The following LRRC37A2 variants were observed in gnomAD, a reference collection of about 807,000 sequenced individuals.
LRRC37A2 encodes leucine-rich repeat-containing protein 37A2.
LRRC37A2 carries 9 observed loss-of-function variants against 68.8 expected under a neutral mutation model. The ratio of observed to expected loss-of-function variants is 0.13; its 90% CI spans 0.08 to 0.23. The LOEUF is 0.23. LRRC37A2 is among the 10% of genes least tolerant of loss of function. The probability of loss-of-function intolerance (pLI) is 1.00; values close to 1 mark genes in which losing one functional copy is unlikely to be tolerated. For missense variants in LRRC37A2, 168 were observed against 950.4 expected, an observed-to-expected ratio of 0.18 and a Z score of 10.82; for synonymous variants, 63 against 367.6, an observed-to-expected ratio of 0.17 and a Z score of 9.48.
the LRRC37A2 span, among the ~76,000 whole-genome samples, chr17:46,568,858 C>G: frequency 8.3e-6 from 1 of 119,900 alleles, no homozygotes; most frequent in African/African-American, 3.4e-5. Flanking sequence ...AGAGGCAAAA[C>G]AACAAAATGC....
the LRRC37A2 span, among the ~76,000 whole-genome samples, chr17:46,902,040 T>C: frequency 1.3e-5 from 2 of 152,256 alleles, no homozygotes; most frequent in East Asian, 3.9e-4. Context: ...ACTCCTGACC[T>C]CAGGTGATCC....
the LRRC37A2 span, among the ~76,000 whole-genome samples, chr17:46,909,560 C>G: frequency 2.4e-4 from 36 of 152,308 alleles, no homozygotes; most frequent in Non-Finnish European, 4.7e-4. Flanking sequence ...CATCACATCT[C>G]GATTTGCTCT....
At chr17:46,751,536 A>G in the LRRC37A2 span, 11 of 1,614,010 alleles carry the variant, frequency 6.8e-6, no homozygotes, top group Non-Finnish European at 9.3e-6. Context: ...GGAACGCACC[A>G]CAATTGCACA....
chr17:46,852,010 C>T, the LRRC37A2 span, among the ~76,000 whole-genome samples: 1 of 152,220 alleles, frequency 6.6e-6, no homozygotes, highest in Non-Finnish European at 1.5e-5. Context: ...CGCCTCGGAC[C>T]CTGGCCCCGT....
At chr17:46,900,168 C>CATATACATATATATAT in the LRRC37A2 span, among the ~76,000 whole-genome samples, 1 of 64,060 alleles carries the variant, frequency 1.6e-5, no homozygotes, top group African/African-American at 7.1e-5. Flanking sequence ...TATACATATA[C>CATATACATATATATAT]ATATATATAT....
the LRRC37A2 span, among the ~76,000 whole-genome samples, chr17:46,795,880 T>TCA: frequency 3.9e-5 from 6 of 151,950 alleles, no homozygotes; most frequent in East Asian, 3.9e-4. Flanking sequence ...CCTCTCTCTC[T>TCA]CACACACACA....
the LRRC37A2 span, chr17:46,940,063 T>G: frequency 9.3e-7 from 1 of 1,079,526 alleles, no homozygotes; most frequent in Non-Finnish European, 1.1e-6. Context: ...GTTAGTTTCT[T>G]GTTGCTTGAA....
At chr17:46,735,065 C>T in the LRRC37A2 span, among the ~76,000 whole-genome samples, 1 of 152,014 alleles carries the variant, frequency 6.6e-6, no homozygotes, top group Non-Finnish European at 1.5e-5. Flanking sequence ...ACAAAACCAA[C>T]AAAAAACAGT....
chr17:46,741,884 G>T, the LRRC37A2 span, among the ~76,000 whole-genome samples: 1 of 152,212 alleles, frequency 6.6e-6, no homozygotes, highest in Non-Finnish European at 1.5e-5. Context: ...TCCTGCCTCA[G>T]CCTCCTTAGT....
chr17:46,842,500 G>A, the LRRC37A2 span, among the ~76,000 whole-genome samples: 1 of 152,024 alleles, frequency 6.6e-6, no homozygotes, highest in Non-Finnish European at 1.5e-5. Context: ...TCAGCCTCCC[G>A]AGTAGCTCGA....
the LRRC37A2 span, among the ~76,000 whole-genome samples, chr17:46,989,670 T>C: frequency 3.5e-4 from 52 of 149,546 alleles, no homozygotes; most frequent in African/African-American, 1.2e-3. Context: ...TGTGATTGGC[T>C]TTGGCCAGTG....
the LRRC37A2 span, chr17:46,763,726 G>T: frequency 6.6e-6 from 1 of 151,094 alleles, no homozygotes; most frequent in Non-Finnish European, 1.5e-5. Context: ...GGCTGGGAAG[G>T]ACTGAATGGC....
At chr17:46,744,939 C>G in the LRRC37A2 span, among the ~76,000 whole-genome samples, 1 of 152,004 alleles carries the variant, frequency 6.6e-6, no homozygotes, top group Non-Finnish European at 1.5e-5. Flanking sequence ...GGCAGATAGT[C>G]ATTTTACTTA....
chr17:46,838,901 G>A, the LRRC37A2 span, among the ~76,000 whole-genome samples: 1 of 152,094 alleles, frequency 6.6e-6, no homozygotes, highest in Non-Finnish European at 1.5e-5. Context: ...TTTCTGAGAC[G>A]GAGTCGCACT....
chr17:46,920,211 T>C, the LRRC37A2 span, among the ~76,000 whole-genome samples: 2 of 152,228 alleles, frequency 1.3e-5, no homozygotes, highest in African/African-American at 4.8e-5. Flanking sequence ...GTCTTATTCA[T>C]ATGCTATTTT....
the LRRC37A2 span, among the ~76,000 whole-genome samples, chr17:46,496,405 T>A: frequency 1.2e-4 from 16 of 136,358 alleles, no homozygotes; most frequent in East Asian, 4.4e-4. Flanking sequence ...GGAGTTCGAG[T>A]CCAGACTGGA....
the LRRC37A2 span, among the ~76,000 whole-genome samples, chr17:46,493,695 G>A: frequency 6.0e-5 from 9 of 149,114 alleles, no homozygotes; most frequent in Admixed American, 2.0e-4. Context: ...CCGCCCCCAC[G>A]CCCAGCTAAT....
At chr17:46,773,832 G>A in the LRRC37A2 span, 1 of 1,613,372 alleles carries the variant, frequency 6.2e-7, no homozygotes. Flanking sequence ...CAGTTGCTTG[G>A]GGACCAGGCC....
chr17:46,767,123 C>T, the LRRC37A2 span, among the ~76,000 whole-genome samples: 5 of 152,100 alleles, frequency 3.3e-5, no homozygotes, highest in Non-Finnish European at 7.4e-5. Flanking sequence ...CCTTCCACCC[C>T]GGGGGTCCAG....
Sources: gnomAD v4.1 joint callset for allele counts (sites outside exome capture counted in the v4.1 genomes callset) on GRCh38, gnomAD v4.1.1 for gene constraint, MANE v1.5 for transcripts, NCBI Gene and HGNC (gene_info 2026-07-23, HGNC 2026-07-21) for gene names.